AKNA: variants seen among roughly 807,000 people sequenced by gnomAD.
AKNA encodes the protein AT-hook transcription factor.
Under a neutral mutation model 138.8 loss-of-function variants are expected in AKNA, and 67 were observed. The observed-to-expected ratio is 0.48, with a 90% CI of 0.40 to 0.59. The LOEUF is 0.59. Among genes scored for constraint, AKNA ranks in the 20% least tolerant of loss-of-function variants. The pLI is 0.00. For missense variants in AKNA, 1,813 were observed against 1,880.4 expected, an observed-to-expected ratio of 0.96 and a Z score of 0.66; for synonymous variants, 737 against 754.4, an observed-to-expected ratio of 0.98 and a Z score of 0.38.
intron 21 of AKNA, among the ~76,000 whole-genome samples, chr9:114,340,877 C>T (rs1348826259): frequency 6.6e-6 from 1 of 152,148 alleles, no homozygotes; most frequent in Non-Finnish European, 1.5e-5. Context: ...CTGTCACAGC[C>T]GAGGGGGCGT....
At chr9:114,396,406 C>T (rs1169548807), upstream of AKNA, among the ~76,000 whole-genome samples, 1 of 152,064 alleles carries the variant, frequency 6.6e-6, no homozygotes, top group East Asian at 1.9e-4. Flanking sequence ...AGTAGATGGG[C>T]GCGGTGGCTC....
intron 2 of AKNA, among the ~76,000 whole-genome samples, chr9:114,379,339 G>C (rs1833469220): frequency 6.6e-6 from 1 of 152,272 alleles, no homozygotes; most frequent in Non-Finnish European, 1.5e-5. Flanking sequence ...ACCCTGCCCA[G>C]CCCTGTGCCT....
rs1359481197 is a variant in AKNA at position 114,376,847 on chromosome 9, G to C, written c.960C>G (p.Pro320=). Residue 320 remains proline, a synonymous_variant, in exon 3 of 22, where the codon CCC becomes CCG. Coordinates refer to ENST00000374088, the MANE Select transcript of AKNA (RefSeq NM_001317950.2). ...TGCCCTGCCGCGTTGGCCTGGGCTG[G>C]GGATTCAGGGGGCTGATGGAGCCAA... The part of the protein sequence containing the change: ...RFIGSISPLN[P]QPRPTRQGRP... 2 of 1,613,994 alleles carry C rather than the reference G, an allele frequency of 1.2e-6. No individual in the cohort carries two copies. Among genetic ancestry groups the C allele is most frequent in the Admixed American group, 1.7e-5 (1 of 60,016 alleles).
intron 9 of AKNA, among the ~76,000 whole-genome samples, chr9:114,360,700 C>T (rs1371789279): frequency 1.3e-5 from 2 of 152,190 alleles, no homozygotes; most frequent in Non-Finnish European, 2.9e-5. Flanking sequence ...GCTCTCTTTC[C>T]TGCTCCCATC....
intron 21 of AKNA, among the ~76,000 whole-genome samples, chr9:114,338,669 T>C (rs956620123): frequency 2.0e-5 from 3 of 152,236 alleles, no homozygotes; most frequent in Non-Finnish European, 4.4e-5. Flanking sequence ...GTCATTCTGC[T>C]GGGCTACTCA....
In AKNA at chr9:114,378,487, T is replaced by C. The variant is rs556522538; in HGVS notation, c.275-955A>G. ...TCTATGAAGCCAAGGATGCTCTCTGTTTTGTTCATGATTATATTTGCAGTG... is the reference window on the plus strand; with the variant it reads ...TCTATGAAGCCAAGGATGCTCTCTGCTTTGTTCATGATTATATTTGCAGTG... On this transcript the variant is annotated intron_variant, in intron 2 of 21. Coordinates refer to ENST00000374088, the MANE Select transcript of AKNA (RefSeq NM_001317950.2). Among the ~76,000 whole-genome samples, 5 of 152,292 alleles carry C rather than the reference T, an allele frequency of 3.3e-5. No individual in the cohort carries two copies. In the East Asian group the frequency reaches 5.8e-4, roughly 18 times the overall value.
intron 5 of AKNA, chr9:114,368,226 A>T: frequency 2.2e-6 from 1 of 450,658 alleles, no homozygotes; most frequent in Non-Finnish European, 3.6e-6. Context: ...GCCAAGTGGC[A>T]GGGCCAGGGC....
At chr9:114,370,260 T>G (rs1832674758) in intron 4 of AKNA, among the ~76,000 whole-genome samples, 1 of 152,154 alleles carries the variant, frequency 6.6e-6, no homozygotes, top group African/African-American at 2.4e-5. Context: ...AATAATCCCC[T>G]CAGCCATCTG....
intron 4 of AKNA, among the ~76,000 whole-genome samples, chr9:114,369,982 G>A (rs1469422543): frequency 2.0e-5 from 3 of 152,164 alleles, no homozygotes; most frequent in East Asian, 1.9e-4. Context: ...AGACAGGCCC[G>A]TGGAAAAGCA....
intron 17 of AKNA, 64 bp from the exon 18 acceptor site, chr9:114,346,073 G>A (rs1830664457): frequency 2.0e-6 from 3 of 1,537,288 alleles, no homozygotes; most frequent in Non-Finnish European, 2.7e-6. Context: ...CTCAAGGAGT[G>A]GGTATGCCAT....
chr9:114,364,041 G>T (rs940336421), intron 7 of AKNA, among the ~76,000 whole-genome samples: 2 of 151,888 alleles, frequency 1.3e-5, no homozygotes, highest in African/African-American at 4.8e-5. Context: ...TTTTAACAGG[G>T]TTTCCAAACT....
At chr9:114,343,114 G>A (rs1830468135) in intron 19 of AKNA, among the ~76,000 whole-genome samples, 1 of 152,244 alleles carries the variant, frequency 6.6e-6, no homozygotes, top group Admixed American at 6.5e-5. Flanking sequence ...ATAGAACTGT[G>A]AGGATTAATT....
In AKNA at chr9:114,377,381, T is replaced by A; in HGVS notation, c.426A>T (p.Ser142=). 2 of 1,613,866 alleles carry A rather than the reference T, an allele frequency of 1.2e-6. No homozygotes were observed. Among genetic ancestry groups the A allele is most frequent in the Non-Finnish European group, 1.7e-6 (2 of 1,179,916 alleles). The change falls in exon 3 of 22, where the codon TCA becomes TCT. Residue 142 remains serine (S), a synonymous_variant. Transcript: ENST00000374088. ...TGAGACCAGCCTCATACCCCAACCTTGAGGAGCTCTCTCCAGCCTCCTCAA... is the reference window on the plus strand; with the variant it reads ...TGAGACCAGCCTCATACCCCAACCTAGAGGAGCTCTCTCCAGCCTCCTCAA... ...LEVEEAGESS[S]RLGYEAGLSL...
At chr9:114,385,854 G>A (rs1256058839) in intron 1 of AKNA, among the ~76,000 whole-genome samples, 3 of 152,228 alleles carry the variant, frequency 2.0e-5, no homozygotes, top group Non-Finnish European at 2.9e-5. Context: ...AGGCTGGGAC[G>A]ATGCTGTGAT....
intron 14 of AKNA, among the ~76,000 whole-genome samples, chr9:114,351,402 T>C (rs550632227): frequency 6.6e-6 from 1 of 152,328 alleles, no homozygotes; most frequent in South Asian, 2.1e-4. Flanking sequence ...TCTGAAATTA[T>C]AGTCACCTCT....
At position 114,377,065 on chromosome 9, in the gene AKNA, C is replaced by T; in HGVS notation, c.742G>A (p.Gly248Ser). 1 of 1,614,108 alleles carries T rather than the reference C, an allele frequency of 6.2e-7. No individual in the cohort carries two copies. The highest frequency in any genetic ancestry group is 1.1e-5 in the South Asian group (1 of 91,086). ...GPSHHLLSPDGRTGGSVARAT... is the reference protein window; with the variant it reads ...GPSHHLLSPDSRTGGSVARAT... ...CGAGCAACACTGCCTCCAGTTCTGC[C>T]ATCTGGGCTTAGGAGGTGGTGGCTG... is the stretch of plus-strand genomic sequence containing the variant. The change falls in exon 3 of 22, where the codon GGC (glycine) becomes AGC (serine). Residue 248 changes from glycine (G) to serine (S), a missense_variant. Gly to Ser is a moderately conservative substitution (Grantham distance 56). Coordinates refer to ENST00000374088, the MANE Select transcript of AKNA (RefSeq NM_001317950.2).
At chr9:114,368,983 T>A (rs1832572015) in intron 4 of AKNA, among the ~76,000 whole-genome samples, 1 of 152,212 alleles carries the variant, frequency 6.6e-6, no homozygotes, top group Admixed American at 6.5e-5. Flanking sequence ...ATGTGTGTTA[T>A]AATTATATCA....
upstream of AKNA, among the ~76,000 whole-genome samples, chr9:114,391,107 G>T (rs940788730): frequency 6.6e-6 from 1 of 152,196 alleles, no homozygotes; most frequent in African/African-American, 2.4e-5. Context: ...TGAGGCTGAT[G>T]TGACAACCCC....
At chr9:114,366,395 G>A (rs533571731) in intron 6 of AKNA, among the ~76,000 whole-genome samples, 6 of 152,198 alleles carry the variant, frequency 3.9e-5, no homozygotes, top group Middle Eastern at 3.4e-3. Context: ...CAAATATTGC[G>A]TGAATCTATT....
Sources: gnomAD v4.1 joint callset for allele counts (sites outside exome capture counted in the v4.1 genomes callset) on GRCh38, gnomAD v4.1.1 for gene constraint, MANE v1.5 for transcripts, NCBI Gene and HGNC (gene_info 2026-07-23, HGNC 2026-07-21) for gene names.